Variants in TENM3 observed in about 807,000 individuals in gnomAD.
TENM3 encodes teneurin transmembrane protein 3.
Under a neutral mutation model 255.1 loss-of-function variants are expected in TENM3, and 63 were observed. The ratio of observed to expected loss-of-function variants is 0.25; its 90% CI spans 0.20 to 0.30. The LOEUF (loss-of-function observed/expected upper bound fraction) is 0.30, where lower values mean the gene tolerates loss of function less well. TENM3 is among the 10% of genes least tolerant of loss of function. The probability of loss-of-function intolerance (pLI) is 1.00; values close to 1 mark genes in which losing one functional copy is unlikely to be tolerated. For synonymous variants in TENM3, 1,306 were observed against 1,322.3 expected (o/e 0.99, Z 0.27); for missense variants, 2,929 against 3,461.1 (o/e 0.85, Z 3.86).
chr4:182,080,614 A>G, the TENM3 span, among the ~76,000 whole-genome samples: 4 of 152,226 alleles, frequency 2.6e-5, no homozygotes, highest in African/African-American at 4.8e-5. Flanking sequence ...ATAAACGTGC[A>G]TGGAAGCCAC....
the TENM3 span, among the ~76,000 whole-genome samples, chr4:181,846,676 T>C: frequency 1.3e-5 from 2 of 152,204 alleles, no homozygotes; most frequent in African/African-American, 4.8e-5. Flanking sequence ...GATTCTTTAG[T>C]GTTCATTAGT....
intron 3 of TENM3, among the ~76,000 whole-genome samples, chr4:182,437,029 C>CA (rs34721873): frequency 3.6e-4 from 49 of 136,726 alleles, no homozygotes; most frequent in East Asian, 1.8e-3. Flanking sequence ...ACTCCGCCTC[C>CA]AAAAAAAAAA....
the TENM3 span, among the ~76,000 whole-genome samples, chr4:182,050,881 G>A: frequency 6.6e-6 from 1 of 152,160 alleles, no homozygotes; most frequent in Non-Finnish European, 1.5e-5. Flanking sequence ...GATGGCACAG[G>A]AATATTCAAA....
At chr4:181,727,236 G>T in the TENM3 span, among the ~76,000 whole-genome samples, 16 of 152,178 alleles carry the variant, frequency 1.1e-4, no homozygotes, top group African/African-American at 2.4e-4. Flanking sequence ...GCTTCCCCTG[G>T]CACCCAGCCC....
At chr4:181,644,027 G>T in the TENM3 span, among the ~76,000 whole-genome samples, 1 of 150,400 alleles carries the variant, frequency 6.6e-6, no homozygotes, top group South Asian at 2.1e-4. Context: ...AGTGAGCCAC[G>T]GTCATGCCAC....
chr4:182,138,926 G>C, the TENM3 span, among the ~76,000 whole-genome samples: 747 of 152,304 alleles, frequency 4.9e-3, 6 homozygotes, highest in African/African-American at 0.017. Context: ...CAGAGAAGTA[G>C]AACAGTGTAC....
At chr4:181,771,526 G>A in the TENM3 span, among the ~76,000 whole-genome samples, 3 of 152,206 alleles carry the variant, frequency 2.0e-5, no homozygotes, top group Non-Finnish European at 4.4e-5. Flanking sequence ...TGATGGGAAT[G>A]TATCAATCTC....
At chr4:181,755,714 A>G in the TENM3 span, among the ~76,000 whole-genome samples, 6 of 152,236 alleles carry the variant, frequency 3.9e-5, no homozygotes, top group African/African-American at 1.4e-4. Flanking sequence ...CTGTCACTTT[A>G]TCCTTAGTAA....
chr4:182,545,754 C>G (rs1437951592), intron 3 of TENM3, among the ~76,000 whole-genome samples: 1 of 152,088 alleles, frequency 6.6e-6, no homozygotes, highest in Non-Finnish European at 1.5e-5. Flanking sequence ...GAAAAACCTT[C>G]CCTCACTGCC....
At chr4:181,925,921 A>G in the TENM3 span, among the ~76,000 whole-genome samples, 1 of 152,204 alleles carries the variant, frequency 6.6e-6, no homozygotes, top group Non-Finnish European at 1.5e-5. Flanking sequence ...GAGATTGGGA[A>G]AGATAATGTG....
the TENM3 span, among the ~76,000 whole-genome samples, chr4:181,452,381 C>T: frequency 6.6e-6 from 1 of 152,082 alleles, no homozygotes; most frequent in African/African-American, 2.4e-5. Flanking sequence ...ATAATCCCCT[C>T]GTGTTGTGAA....
intron 13 of TENM3, among the ~76,000 whole-genome samples, chr4:182,714,496 T>C (rs570940579): frequency 1.8e-4 from 27 of 152,294 alleles, no homozygotes; most frequent in African/African-American, 6.5e-4. Flanking sequence ...CTCCATTCCT[T>C]TTCCTGGTCC....
the TENM3 span, among the ~76,000 whole-genome samples, chr4:181,578,582 T>C: frequency 6.6e-6 from 1 of 152,260 alleles, no homozygotes; most frequent in Middle Eastern, 3.4e-3. Flanking sequence ...TGACCAGGGA[T>C]GTCACCTCCT....
At chr4:181,606,434 C>T in the TENM3 span, among the ~76,000 whole-genome samples, 1 of 152,092 alleles carries the variant, frequency 6.6e-6, no homozygotes, top group Non-Finnish European at 1.5e-5. Flanking sequence ...CTGAGAATGC[C>T]CTTTAATCTA....
chr4:182,445,456 C>T (rs1395288092), intron 3 of TENM3, among the ~76,000 whole-genome samples: 5 of 152,100 alleles, frequency 3.3e-5, no homozygotes, highest in Admixed American at 2.0e-4. Context: ...GGATTTGGTA[C>T]TTAATAATTA....
At chr4:181,491,731 C>T in the TENM3 span, among the ~76,000 whole-genome samples, 1 of 152,012 alleles carries the variant, frequency 6.6e-6, no homozygotes, top group Non-Finnish European at 1.5e-5. Context: ...GAGATGAGTG[C>T]TATTAAAATA....
At chr4:181,670,319 C>T in the TENM3 span, among the ~76,000 whole-genome samples, 1 of 152,024 alleles carries the variant, frequency 6.6e-6, no homozygotes, top group Non-Finnish European at 1.5e-5. Context: ...CGAGAGTGAC[C>T]GGTTTGTAAC....
the TENM3 span, among the ~76,000 whole-genome samples, chr4:181,456,119 A>G: frequency 1.3e-4 from 14 of 108,224 alleles, no homozygotes; most frequent in South Asian, 2.6e-3. Flanking sequence ...GTGTGTATAT[A>G]TATATATATG....
the TENM3 span, among the ~76,000 whole-genome samples, chr4:181,934,992 C>T: frequency 2.0e-5 from 3 of 152,242 alleles, no homozygotes; most frequent in South Asian, 6.2e-4. Context: ...TCTGCTTCTT[C>T]CCTGAGAAAT....
Sources: gnomAD v4.1 joint callset for allele counts (sites outside exome capture counted in the v4.1 genomes callset) on GRCh38, gnomAD v4.1.1 for gene constraint, MANE v1.5 for transcripts, NCBI Gene and HGNC (gene_info 2026-07-23, HGNC 2026-07-21) for gene names.